The following LBP variants were observed in gnomAD, a reference collection of about 807,000 sequenced individuals.
LBP encodes the protein lipopolysaccharide binding protein.
A neutral mutation model predicts 56.6 loss-of-function variants in LBP; 53 were observed. That is an observed-to-expected ratio of 0.94 (90% CI 0.75 to 1.18). LBP has a LOEUF of 1.18. Among genes scored for constraint, LBP ranks in the 50% most tolerant of loss-of-function variants. The pLI, the probability that LBP is intolerant of heterozygous loss-of-function variation, is 0.00. For missense variants in LBP, 601 were observed against 598.3 expected (o/e 1.00, Z -0.05); for synonymous variants, 227 against 247.5 (o/e 0.92, Z 0.78).
At chr20:38,364,398 T>TGAGC (rs2076873105) in intron 7 of LBP, among the ~76,000 whole-genome samples, 178 bp from the exon 8 acceptor site, 1 of 152,062 alleles carries the variant, frequency 6.6e-6, no homozygotes, top group African/African-American at 2.4e-5. Flanking sequence ...TTCCTGTGGG[T>TGAGC]TAATGTAGCA....
chr20:38,350,768 C>T (rs2076817557), intron 2 of LBP, 43 bp from the exon 3 acceptor site: 1 of 1,576,314 alleles, frequency 6.3e-7, no homozygotes, highest in African/African-American at 1.3e-5. Flanking sequence ...GAGGCTGGGT[C>T]CAGGCCCAGG....
At chr20:38,373,278 G>A (rs2076906982) in intron 13 of LBP, 143 bp downstream of exon 13, 1 of 693,722 alleles carries the variant, frequency 1.4e-6, no homozygotes, top group African/African-American at 1.8e-5. Context: ...TGACCTGCCT[G>A]TGACATGGGA....
intron 4 of LBP, among the ~76,000 whole-genome samples, chr20:38,354,660 G>T (rs949887681): frequency 2.6e-5 from 4 of 151,954 alleles, no homozygotes; most frequent in African/African-American, 9.7e-5. Flanking sequence ...CTGACAAGGG[G>T]ACCCTTGTCA....
intron 8 of LBP, 139 bp downstream of exon 8, chr20:38,364,891 A>G: frequency 1.7e-5 from 14 of 814,418 alleles, no homozygotes; most frequent in Non-Finnish European, 2.5e-5. Context: ...AAAATATGTT[A>G]GCACAATCTC....
chr20:38,352,162 G>A (rs2076822744), intron 3 of LBP, among the ~76,000 whole-genome samples: 1 of 152,086 alleles, frequency 6.6e-6, no homozygotes, highest in Non-Finnish European at 1.5e-5. Context: ...TCATTTAAAT[G>A]TAATCACCTC....
chr20:38,373,130 T>C lies in LBP; in HGVS notation c.1319T>C (p.Phe440Ser). 6.2e-7 allele frequency: 1 copy of C among 1,613,082 alleles called. No individual in the cohort carries two copies. Among genetic ancestry groups the C allele is most frequent in the Non-Finnish European group, 8.5e-7 (1 of 1,179,076 alleles). The change falls in exon 13 of 15, where the codon TTC (phenylalanine) becomes TCC (serine). Residue 440 changes from phenylalanine (F) to serine (S), a missense_variant. By Grantham distance (155) the Phe-to-Ser change is radical. Coordinates refer to ENST00000217407, the MANE Select transcript of LBP (RefSeq NM_004139.5). ...ATCCTTAACACCTTCTACCCCAAGT[T>C]CAATGGTAAGAATCACTGTGGATTT... ...YYILNTFYPK[F>S]NDKLAEGFPL... is the part of the protein sequence containing the mutation.
At chr20:38,350,761 G>T (rs371618770) in intron 2 of LBP, 50 bp from the exon 3 acceptor site, 1 of 1,566,054 alleles carries the variant, frequency 6.4e-7, no homozygotes, top group Non-Finnish European at 8.7e-7. Context: ...CCCTGGTGAG[G>T]CTGGGTCCAG....
chr20:38,355,839 T>C (rs750875119), intron 5 of LBP, among the ~76,000 whole-genome samples: 16 of 151,976 alleles, frequency 1.1e-4, no homozygotes, highest in Admixed American at 6.5e-5. Flanking sequence ...CAGCCCTGGA[T>C]GGGGAGGCAG....
intron 5 of LBP, among the ~76,000 whole-genome samples, chr20:38,360,469 C>T (rs1009036395): frequency 6.6e-6 from 1 of 152,180 alleles, no homozygotes; most frequent in Admixed American, 6.5e-5. Flanking sequence ...GCTCAGGTGT[C>T]CAGCCCTGGG....
At chr20:38,362,572 T>C (rs1437721025) in intron 6 of LBP, among the ~76,000 whole-genome samples, 6 of 150,834 alleles carry the variant, frequency 4.0e-5, no homozygotes, top group African/African-American at 1.5e-4. Flanking sequence ...GAGATTGTGC[T>C]ACTGCACTCC....
Position 38,364,601 on chromosome 20 carries a change from G to A in LBP, c.770G>A (p.Arg257His), listed in dbSNP as rs748163427. Reference sequence around the variant, plus strand: ...GGTGAAATCTTTCATCGTAACCACCGTTCTCCAGTTACCCTCCTTGCTGCA... The same window carrying A: ...GGTGAAATCTTTCATCGTAACCACCATTCTCCAGTTACCCTCCTTGCTGCA... ...FKGEIFHRNH[R>H]SPVTLLAAVM... is the part of the protein sequence containing the mutation. Residue 257 changes from arginine to histidine, a missense_variant, in exon 8 of 15, where the codon CGT becomes CAT. By Grantham distance (29) the Arg-to-His change is conservative. Coordinates refer to ENST00000217407, the MANE Select transcript of LBP (RefSeq NM_004139.5). 24 of 1,613,870 alleles carry A rather than the reference G, an allele frequency of 1.5e-5. 1 individual carries two copies. The highest frequency in any genetic ancestry group is 9.9e-5 in the South Asian group (9 of 91,050).
intron 1 of LBP, among the ~76,000 whole-genome samples, chr20:38,349,269 C>T (rs930846831): frequency 8.5e-5 from 13 of 152,198 alleles, no homozygotes; most frequent in African/African-American, 2.4e-4. Context: ...TCCGTCCAAG[C>T]GCACAGCACT....
At chr20:38,364,105 C>A in intron 7 of LBP, 39 bp downstream of exon 7, 1 of 1,397,362 alleles carries the variant, frequency 7.2e-7, no homozygotes, top group Non-Finnish European at 1.0e-6. Context: ...GTGAGGCTTT[C>A]CCTCAGGGTC....
chr20:38,373,005 T>C, intron 12 of LBP, 67 bp from the exon 13 acceptor site: 2 of 1,378,874 alleles, frequency 1.5e-6, no homozygotes, highest in Non-Finnish European at 2.1e-6. Flanking sequence ...TTTTGCTATG[T>C]TGGCACACAC....
chr20:38,355,271 C>A lies in LBP; in HGVS notation c.525-75C>A. On this transcript the variant is annotated intron_variant, in intron 4 of 14. Coordinates refer to ENST00000217407, the MANE Select transcript of LBP (RefSeq NM_004139.5). ...GGCTCCCTTTGTGGACTGGCCTGAC[C>A]AGGGACCAGGGCCTGGCTTTCCCAG... 4 of 1,370,312 alleles carry A rather than the reference C, an allele frequency of 2.9e-6. No individual in the cohort carries two copies. The South Asian group carries it at 4.6e-5, about 16-fold the overall frequency. 84.9% of individuals were successfully genotyped at this position (1,370,312 alleles called of 1,614,324 possible).
In LBP at chr20:38,373,986, C is replaced by T. The variant is rs1329406612; in HGVS notation, c.1374C>T (p.Leu458=). ...FPLPLLKRVQ[L]YDLGLQIHKD... Reference sequence around the variant, plus strand: ...TTCCTCTGCTGAAGCGTGTTCAGCTCTACGACCTTGGGCTGCAGATCCATA... The same window carrying T: ...TTCCTCTGCTGAAGCGTGTTCAGCTTTACGACCTTGGGCTGCAGATCCATA... Residue 458 remains leucine, a synonymous_variant, in exon 14 of 15, where the codon CTC becomes CTT. Transcript: ENST00000217407. The T allele has an allele frequency of 1.9e-6, 3 of 1,614,062 alleles. No homozygotes were observed. Among genetic ancestry groups the T allele is most frequent in the East Asian group, 2.2e-5 (1 of 44,882 alleles).
intron 14 of LBP, among the ~76,000 whole-genome samples, chr20:38,375,207 A>G (rs1352904634): frequency 6.8e-6 from 1 of 147,760 alleles, no homozygotes; most frequent in Non-Finnish European, 1.5e-5. Flanking sequence ...TTTTTTTTTT[A>G]AGTTTGTTTG....
At chr20:38,366,423 A>T (rs2076882159) in intron 8 of LBP, among the ~76,000 whole-genome samples, 1 of 152,172 alleles carries the variant, frequency 6.6e-6, no homozygotes, top group African/African-American at 2.4e-5. Flanking sequence ...GACTATTGTT[A>T]TCCCCATTTT....
rs1316723860 is a variant in LBP at position 38,374,987 on chromosome 20, A to C, written c.1401+974A>C. On this transcript the variant is annotated intron_variant, in intron 14 of 14. Coordinates refer to ENST00000217407, the MANE Select transcript of LBP (RefSeq NM_004139.5). The stretch of plus-strand genomic sequence containing the variant: ...TTTTTTTGTATTTTTGGTAGAGACA[A>C]GGTTTCACAATGCTGGCCAGGCTGG... 3.5e-5 allele frequency among the ~76,000 whole-genome samples: 5 copies of C among 141,480 alleles called. 1 individual carries two copies. Among genetic ancestry groups the C allele is most frequent in the Admixed American group, 3.5e-4 (5 of 14,204 alleles). 92.8% of individuals were successfully genotyped at this position (141,480 alleles called of 152,430 possible). A position where few individuals can be genotyped will look rare whatever the true frequency, so the allele number is the denominator to read the frequency against.
Sources: allele counts gnomAD v4.1 joint callset (sites outside exome capture counted in the v4.1 genomes callset), GRCh38; gene constraint gnomAD v4.1.1; transcripts MANE v1.5; gene names NCBI Gene and HGNC (gene_info 2026-07-23, HGNC 2026-07-21).